Variants in HERC1 observed in about 807,000 individuals in gnomAD.
HERC1 encodes HECT and RLD domain containing E3 ubiquitin protein ligase family member 1.
A neutral mutation model predicts 554.3 loss-of-function variants in HERC1; 160 were observed. The observed-to-expected ratio is 0.29, with a 90% CI of 0.25 to 0.33. The LOEUF is 0.33. Ranked by LOEUF, HERC1 falls within the 10% of genes least tolerant of loss-of-function variation. HERC1 has a pLI of 1.00. For missense variants in HERC1, 4,919 were observed against 5,918.5 expected, an observed-to-expected ratio of 0.83 and a Z score of 5.54; for synonymous variants, 2,175 against 2,131.7, an observed-to-expected ratio of 1.02 and a Z score of -0.56.
intron 62 of HERC1, 39 bp downstream of exon 62, chr15:63,638,672 A>G: frequency 6.3e-7 from 1 of 1,593,316 alleles, no homozygotes; most frequent in Non-Finnish European, 8.6e-7. Context: ...CAAAACATTG[A>G]CTGAGAACCA....
At chr15:63,679,075 G>T (rs959435849) in intron 36 of HERC1, among the ~76,000 whole-genome samples, 1 of 152,170 alleles carries the variant, frequency 6.6e-6, no homozygotes, top group African/African-American at 2.4e-5. Flanking sequence ...TATCAAAAAT[G>T]CCTTCTAGAT....
chr15:63,755,102 C>T, intron 6 of HERC1, 127 bp downstream of exon 6: 1 of 664,710 alleles, frequency 1.5e-6, no homozygotes, highest in South Asian at 1.8e-5. Context: ...AAATTATCTT[C>T]CTCTGAGCTT....
In HERC1 at chr15:63,775,365, G is replaced by C. The variant is rs777220853; in HGVS notation, c.259C>G (p.Leu87Val). ...GAACATACCATCTTTGCCAATGCTA[G>C]CTGGCTGCTAAGAAGGGCATCCAAA... ...HYLDALLSSQ[L>V]ALAKMVCSDS... Residue 87 changes from leucine (L) to valine (V), a missense_variant, in exon 2 of 78, where the codon CTA becomes GTA. This residue lies in a region of HERC1 where 110 missense variants were observed against 99.3 expected (regional missense o/e 1.11). Coordinates refer to ENST00000443617, the MANE Select transcript of HERC1 (RefSeq NM_003922.4). This position sits in a 1 kb window ranked among gnomAD's most constrained non-coding sequence, Gnocchi z 4.0. 3 of 1,613,914 alleles carry C rather than the reference G, an allele frequency of 1.9e-6. No homozygotes were observed. Among genetic ancestry groups the C allele is most frequent in the Non-Finnish European group, 2.5e-6 (3 of 1,179,818 alleles).
At position 63,645,550 on chromosome 15, in the gene HERC1, T is replaced by C. The variant is rs1008718533; in HGVS notation, c.11011A>G (p.Ile3671Val). 5.0e-6 allele frequency: 8 copies of C among 1,613,558 alleles called. No homozygotes were observed. The highest frequency in any genetic ancestry group is 2.7e-5 in the African/African-American group (2 of 75,018). The change falls in exon 56 of 78, where the codon ATT becomes GTT. Residue 3671 changes from isoleucine to valine, a missense_variant. Transcript: ENST00000443617. ...CGGCACCAAGCAATGCCATTTACAA[T>C]AGATGGATGGCAGAGTGAATGTAGA... is the stretch of plus-strand genomic sequence containing the variant. ...CCLHSLCHPS[I>V]VNGIAWCRLP...
chr15:63,692,278 G>C lies in HERC1; in HGVS notation c.5830+133C>G. On this transcript the variant is annotated intron_variant, in intron 31 of 77. Coordinates refer to ENST00000443617, the MANE Select transcript of HERC1 (RefSeq NM_003922.4). This position sits in a 1 kb window ranked among gnomAD's most constrained non-coding sequence, Gnocchi z 4.7. The stretch of plus-strand genomic sequence containing the variant: ...ATTAGAGTTTTCTTTTGATCAAATA[G>C]GTACGCAGAAAATAAGAAAGAAAAG... The C allele has an allele frequency of 4.9e-6, 3 of 615,630 alleles. No homozygotes were observed. Among genetic ancestry groups the C allele is most frequent in the Admixed American group, 3.5e-5 (1 of 28,926 alleles). The allele number at this position is 615,630 out of a possible 1,614,324, so 38.1% of individuals were successfully genotyped here.
At chr15:63,786,914 A>ATTTTTTTTT (rs780871966) in intron 1 of HERC1, among the ~76,000 whole-genome samples, 2 of 135,548 alleles carry the variant, frequency 1.5e-5, no homozygotes, top group Non-Finnish European at 1.6e-5. Context: ...AACTCAATAA[A>ATTTTTTTTT]TTATTATTTT....
chr15:63,757,483 T>A (rs1026992131), intron 4 of HERC1, among the ~76,000 whole-genome samples: 9 of 152,000 alleles, frequency 5.9e-5, no homozygotes, highest in Non-Finnish European at 1.0e-4. Flanking sequence ...GTCAAGCTAG[T>A]CTCGAACTCA....
Position 63,775,644 on chromosome 15 carries a change from T to C in HERC1, c.-21A>G, listed in dbSNP as rs1276111670. 3.2e-6 allele frequency: 5 copies of C among 1,555,684 alleles called. No individual in the cohort carries two copies. Among genetic ancestry groups the C allele is most frequent in the South Asian group, 2.5e-5 (2 of 80,914 alleles). On this transcript the variant is annotated 5_prime_UTR_variant, in exon 2 of 78. An upstream start codon of the reference 5' UTR is lost. Coordinates refer to ENST00000443617, the MANE Select transcript of HERC1 (RefSeq NM_003922.4). The surrounding 1 kb of genome is among the most constrained non-coding windows in gnomAD (Gnocchi z 4.0). The stretch of plus-strand genomic sequence containing the variant: ...GCCATGTTGATTTATCCTTCAGCCA[T>C]TAGTCCTGCAAAGGGAGAAGAGAAA...
chr15:63,739,353 A>G (rs1049349010), intron 12 of HERC1, among the ~76,000 whole-genome samples: 12 of 151,576 alleles, frequency 7.9e-5, no homozygotes, highest in African/African-American at 1.7e-4. Context: ...ACACGCCACA[A>G]CGCCAGGCTA....
chr15:63,654,697 T>C (rs1184391033), intron 50 of HERC1, among the ~76,000 whole-genome samples: 2 of 124,240 alleles, frequency 1.6e-5, no homozygotes, highest in Non-Finnish European at 3.6e-5. Context: ...CTACTGAAAA[T>C]ACAAAAAAAA....
At chr15:63,626,607 T>G (rs972541592) in intron 70 of HERC1, among the ~76,000 whole-genome samples, 4 of 152,314 alleles carry the variant, frequency 2.6e-5, no homozygotes, top group Non-Finnish European at 4.4e-5. Flanking sequence ...AGGGATCTGA[T>G]AGCAAGTATT....
In HERC1 at chr15:63,622,834, C is replaced by A; in HGVS notation, c.13669G>T (p.Val4557Leu). ...LIPSPNATAEVGYNRDRFLFN... is the reference protein window; with the variant it reads ...LIPSPNATAELGYNRDRFLFN... Reference sequence around the variant, plus strand: ...CCATACCTGTCCCTATTGTAACCCACTTCTGCGGTGGCATTGGGAGAGGGT... The same window carrying A: ...CCATACCTGTCCCTATTGTAACCCAATTCTGCGGTGGCATTGGGAGAGGGT... The change falls in exon 74 of 78, where the codon GTG (valine) becomes TTG (leucine). Residue 4557 changes from valine to leucine, a missense_variant. Val to Leu is a conservative substitution (Grantham distance 32). This residue lies in a region of HERC1 where 284 missense variants were observed against 294.1 expected (regional missense o/e 0.97). Transcript: ENST00000443617. 6.2e-7 allele frequency: 1 copy of A among 1,607,200 alleles called. No homozygotes were observed. Among genetic ancestry groups the A allele is most frequent in the Admixed American group, 1.7e-5 (1 of 58,926 alleles).
chr15:63,736,457 T>C (rs1415413034), intron 12 of HERC1, among the ~76,000 whole-genome samples: 2 of 152,216 alleles, frequency 1.3e-5, no homozygotes, highest in Admixed American at 6.5e-5. Flanking sequence ...AGAATCTCAC[T>C]AGCCCAGTAG....
In HERC1 at chr15:63,612,179, C is replaced by T; in HGVS notation, c.14400+72G>A. 1.5e-6 allele frequency: 2 copies of T among 1,369,234 alleles called. No individual in the cohort carries two copies. The highest frequency in any genetic ancestry group is 2.9e-5 in the South Asian group (2 of 69,816). 84.8% of individuals were successfully genotyped at this position (1,369,234 alleles called of 1,614,324 possible). On this transcript the variant is annotated intron_variant, in intron 77 of 77. Coordinates refer to ENST00000443617, the MANE Select transcript of HERC1 (RefSeq NM_003922.4). This position sits in a 1 kb window ranked among gnomAD's most constrained non-coding sequence, Gnocchi z 5.0. ...CTCCAGCCTGGGCCACAGAGTGAGACCCTGTCTCAACAAAAACAACAATGA... is the reference window on the plus strand; with the variant it reads ...CTCCAGCCTGGGCCACAGAGTGAGATCCTGTCTCAACAAAAACAACAATGA...
At chr15:63,746,836 G>T in intron 12 of HERC1, 82 bp downstream of exon 12, 1 of 1,173,312 alleles carries the variant, frequency 8.5e-7, no homozygotes, top group Non-Finnish European at 1.2e-6. Flanking sequence ...ATTGTCCAAT[G>T]TACAGTTGAA....
intron 1 of HERC1, among the ~76,000 whole-genome samples, chr15:63,790,579 A>G (rs927410461): frequency 6.7e-6 from 1 of 149,834 alleles, no homozygotes; most frequent in Non-Finnish European, 1.5e-5. Flanking sequence ...CTCCGTCTCA[A>G]AAAAAAATTT....
rs2142141378 is a variant in HERC1, at chr15:63,758,992, T to G, written c.1027-623A>C. 6.6e-6 allele frequency among the ~76,000 whole-genome samples: 1 copy of G among 152,250 alleles called. No individual in the cohort carries two copies. The highest frequency in any genetic ancestry group is 1.9e-4 in the East Asian group (1 of 5,192). ...AATCCTCCCACCTCAGCCCCCCAAG[T>G]AGCTGAGATTACAGGCATGCAAGTA... On this transcript the variant is annotated intron_variant, in intron 3 of 77. Transcript: ENST00000443617. This position sits in a 1 kb window ranked among gnomAD's most constrained non-coding sequence, Gnocchi z 4.0.
At chr15:63,652,923 T>A (rs1321075609) in intron 51 of HERC1, among the ~76,000 whole-genome samples, 1 of 152,190 alleles carries the variant, frequency 6.6e-6, no homozygotes, top group African/African-American at 2.4e-5. Flanking sequence ...ATTCTGGGAT[T>A]ACAGGCATAA....
Position 63,789,927 on chromosome 15 carries a change from A to T in HERC1, c.-26-14278T>A, listed in dbSNP as rs577910955. ...AGAATCCAGCTAAATACTAGAAAGA[A>T]GATGAAGATCACACAAACAATATTA... On this transcript the variant is annotated intron_variant, in intron 1 of 77. Transcript: ENST00000443617. 5.8e-4 allele frequency among the ~76,000 whole-genome samples: 89 copies of T among 152,278 alleles called. 3 individuals are homozygous for T. In the South Asian group the frequency reaches 0.018, roughly 30 times the overall value.
Sources: gnomAD v4.1 joint callset for allele counts (sites outside exome capture counted in the v4.1 genomes callset) on GRCh38, gnomAD v4.1.1 for gene constraint, gnomAD v4.1.1 regional missense constraint, Gnocchi (gnomAD v3.1) non-coding constraint, MANE v1.5 for transcripts, NCBI Gene and HGNC (gene_info 2026-07-23, HGNC 2026-07-21) for gene names.